FRZB: variants seen among roughly 807,000 people sequenced by gnomAD.
FRZB encodes the protein frizzled related protein.
Under a neutral mutation model 32.5 loss-of-function variants are expected in FRZB, and 34 were observed. The observed-to-expected ratio is 1.05, with a 90% CI of 0.80 to 1.39. The LOEUF (loss-of-function observed/expected upper bound fraction) is 1.39, where lower values mean the gene tolerates loss of function less well. Ranked by LOEUF, FRZB falls within the 40% of genes most tolerant of loss-of-function variation. The pLI is 0.00. For synonymous variants in FRZB, 170 were observed against 159.2 expected (o/e 1.07, Z -0.51); for missense variants, 423 against 424.8 (o/e 1.00, Z 0.04).
intron 2 of FRZB, among the ~76,000 whole-genome samples, chr2:182,848,445 A>G (rs1446557005): frequency 1.3e-5 from 2 of 152,158 alleles, no homozygotes; most frequent in Admixed American, 6.5e-5. Context: ...GCGATAGTAA[A>G]ACATCCCTAG....
Position 182,866,188 on chromosome 2 carries a change from A to T in FRZB, c.365T>A (p.Ile122Lys), listed in dbSNP as rs899005454. ...CCACGAGTGGCGGTACTTGATGAGT[A>T]TGGGCTCACAGCCCTGCCGGGCCCG... ...CERARQGCEP[I>K]LIKYRHSWPE... Residue 122 changes from isoleucine to lysine, a missense_variant, in exon 1 of 6, where the codon ATA becomes AAA. By Grantham distance (102) the Ile-to-Lys change is moderately radical. Coordinates refer to ENST00000295113, the MANE Select transcript of FRZB (RefSeq NM_001463.4). This position sits in a 1 kb window ranked among gnomAD's most constrained non-coding sequence, Gnocchi z 4.5. 3.1e-6 allele frequency: 5 copies of T among 1,614,028 alleles called. No homozygotes were observed. Among genetic ancestry groups the T allele is most frequent in the Admixed American group, 1.7e-5 (1 of 60,008 alleles).
At position 182,841,726 on chromosome 2, in the gene FRZB, T is replaced by A. The variant is rs532400609; in HGVS notation, c.592+752A>T. 2.0e-5 allele frequency among the ~76,000 whole-genome samples: 3 copies of A among 152,242 alleles called. No homozygotes were observed. In the South Asian group the frequency reaches 6.2e-4, roughly 32 times the overall value. On this transcript the variant is annotated intron_variant, in intron 3 of 5. Transcript: ENST00000295113. ...ATATACACCAGCATCCAAAGTACAT[T>A]GTGAACAATCAAAGAAGGGACTACT...
intron 1 of FRZB, among the ~76,000 whole-genome samples, chr2:182,864,084 T>C (rs1695863505): frequency 6.6e-6 from 1 of 152,210 alleles, no homozygotes; most frequent in Non-Finnish European, 1.5e-5. Context: ...TCAGGTCCCA[T>C]GAACTGACAA....
At chr2:182,851,191 T>C (rs1370170730) in intron 2 of FRZB, among the ~76,000 whole-genome samples, 1 of 152,250 alleles carries the variant, frequency 6.6e-6, no homozygotes, top group African/African-American at 2.4e-5. Context: ...ACTTTGTTGA[T>C]TGTTTCCTTT....
chr2:182,855,261 T>C (rs1285601578), intron 2 of FRZB, among the ~76,000 whole-genome samples: 1 of 152,136 alleles, frequency 6.6e-6, no homozygotes, highest in Non-Finnish European at 1.5e-5. Flanking sequence ...ATTCAAAATG[T>C]CCAGGATTCA....
At chr2:182,848,151 A>G (rs977740439) in intron 2 of FRZB, among the ~76,000 whole-genome samples, 4 of 151,812 alleles carry the variant, frequency 2.6e-5, no homozygotes, top group African/African-American at 7.3e-5. Context: ...AAAGAATGGG[A>G]TTCTTAGAAT....
At chr2:182,861,673 T>G (rs1252389846) in intron 1 of FRZB, among the ~76,000 whole-genome samples, 3 of 152,226 alleles carry the variant, frequency 2.0e-5, no homozygotes, top group Admixed American at 2.0e-4. Context: ...ATTGAGGAGA[T>G]GTAGCCAATT....
At chr2:182,852,944 C>T (rs73040083) in intron 2 of FRZB, among the ~76,000 whole-genome samples, 7,740 of 152,232 alleles carry the variant, frequency 0.051, 655 homozygotes, top group African/African-American at 0.18. Flanking sequence ...AAATTCCAGA[C>T]AGAAACAGCT....
intron 3 of FRZB, among the ~76,000 whole-genome samples, chr2:182,841,878 C>T (rs903157199): frequency 6.6e-6 from 1 of 152,052 alleles, no homozygotes; most frequent in Non-Finnish European, 1.5e-5. Context: ...GCTTTTTAAT[C>T]CTTCAGTTAA....
intron 2 of FRZB, among the ~76,000 whole-genome samples, chr2:182,846,369 T>A (rs1340595012): frequency 6.6e-6 from 1 of 152,170 alleles, no homozygotes; most frequent in Non-Finnish European, 1.5e-5. Flanking sequence ...ATCCCCAAAC[T>A]CTCATAACCT....
intron 2 of FRZB, among the ~76,000 whole-genome samples, chr2:182,848,070 TAA>T (rs11361784): frequency 1.5e-4 from 21 of 139,922 alleles, no homozygotes; most frequent in African/African-American, 2.9e-4. Context: ...CTCAACATGG[TAA>T]AAAAAAAAAA....
At position 182,848,617 on chromosome 2, in the gene FRZB, GAAC is replaced by G. The variant is rs3029493; in HGVS notation, c.527-6077_527-6075del. On this transcript the variant is annotated intron_variant, in intron 2 of 5. Coordinates refer to ENST00000295113, the MANE Select transcript of FRZB (RefSeq NM_001463.4). Reference sequence around the variant, plus strand: ...TGTCAATGATGAAAGGGAAGAAAACGAACAACAACAACAACAACAGCACAACTC... The same window carrying G: ...TGTCAATGATGAAAGGGAAGAAAACGAACAACAACAACAACAGCACAACTC... Among the ~76,000 whole-genome samples, 598 of 151,870 alleles carry G rather than the reference GAAC, an allele frequency of 3.9e-3. 6 individuals carry two copies. Among genetic ancestry groups the G allele is most frequent in the African/African-American group, 0.013 (540 of 41,404 alleles).
intron 2 of FRZB, among the ~76,000 whole-genome samples, chr2:182,854,466 G>A (rs1307295510): frequency 6.6e-6 from 1 of 152,070 alleles, no homozygotes; most frequent in African/African-American, 2.4e-5. Context: ...TTTTCCCTCT[G>A]GTATCCACCA....
intron 2 of FRZB, among the ~76,000 whole-genome samples, chr2:182,850,081 T>A (rs1435383818): frequency 2.0e-5 from 3 of 152,236 alleles, no homozygotes; most frequent in Non-Finnish European, 4.4e-5. Context: ...TTGTGCCTGA[T>A]ACGAGTAAGT....
intron 2 of FRZB, among the ~76,000 whole-genome samples, chr2:182,850,795 C>T (rs1350922909): frequency 6.6e-6 from 1 of 152,098 alleles, no homozygotes; most frequent in Non-Finnish European, 1.5e-5. Context: ...TTTTGAAGAA[C>T]TCCCTATTGT....
intron 2 of FRZB, among the ~76,000 whole-genome samples, chr2:182,856,737 T>C (rs781679657): frequency 1.3e-5 from 2 of 152,030 alleles, no homozygotes; most frequent in African/African-American, 4.8e-5. Context: ...GGACACTACA[T>C]AATGAAAACA....
intron 2 of FRZB, among the ~76,000 whole-genome samples, chr2:182,848,731 C>T (rs1695675186): frequency 6.6e-6 from 1 of 152,094 alleles, no homozygotes; most frequent in South Asian, 2.1e-4. Context: ...TGTACTTTTA[C>T]ACAATTAGAA....
chr2:182,849,320 A>T (rs1428864255), intron 2 of FRZB, among the ~76,000 whole-genome samples: 1 of 152,152 alleles, frequency 6.6e-6, no homozygotes, highest in East Asian at 1.9e-4. Context: ...ATAAATATAT[A>T]CATTTGTCAA....
chr2:182,843,644 C>A (rs1016944782), intron 2 of FRZB, among the ~76,000 whole-genome samples: 1 of 152,096 alleles, frequency 6.6e-6, no homozygotes, highest in Non-Finnish European at 1.5e-5. Flanking sequence ...TATGGCTGGG[C>A]ACAAGCGCTC....
Sources: gnomAD v4.1 joint callset for allele counts (sites outside exome capture counted in the v4.1 genomes callset) on GRCh38, gnomAD v4.1.1 for gene constraint, Gnocchi (gnomAD v3.1) non-coding constraint, MANE v1.5 for transcripts, NCBI Gene and HGNC (gene_info 2026-07-23, HGNC 2026-07-21) for gene names.